UTRN: variants seen among roughly 807,000 people sequenced by gnomAD.
UTRN encodes the protein utrophin.
In UTRN, 283 loss-of-function variants were observed where a neutral mutation model predicts 463.9. That is an observed-to-expected ratio of 0.61 (90% CI 0.55 to 0.67). The LOEUF is 0.67. Among genes scored for constraint, UTRN ranks in the 30% least tolerant of loss-of-function variants. UTRN has a pLI of 0.00. For synonymous variants in UTRN, 1,442 were observed against 1,431.5 expected, an observed-to-expected ratio of 1.01 and a Z score of -0.17; for missense variants, 3,922 against 4,084.3, an observed-to-expected ratio of 0.96 and a Z score of 1.08.
chr6:144,820,915 A>G lies in UTRN; in HGVS notation c.9391A>G (p.Lys3131Glu), dbSNP rs757548930. 19 of 1,613,760 alleles carry G rather than the reference A, an allele frequency of 1.2e-5. No homozygotes were observed. Among genetic ancestry groups the G allele is most frequent in the Admixed American group, 1.7e-5 (1 of 59,992 alleles). ...TSGEDVRDFT[K>E]VLKNKFRSKK... ...TGGGGAAGATGTACGAGACTTCACA[A>G]AGGTACTTAAGAACAAGTTCAGGTC... Residue 3131 changes from lysine to glutamate, a missense_variant, in exon 66 of 75, where the codon AAG becomes GAG. Coordinates refer to ENST00000367545, the MANE Select transcript of UTRN (RefSeq NM_007124.3).
intron 58 of UTRN, among the ~76,000 whole-genome samples, chr6:144,768,953 G>GTTTTTTTTTTTTTTT (rs1224806677): frequency 1.9e-5 from 2 of 105,092 alleles, no homozygotes; most frequent in Non-Finnish European, 1.9e-5. Context: ...TTTTTGTTTT[G>GTTTTTTTTTTTTTTT]TTTTGTTTTT....
intron 65 of UTRN, among the ~76,000 whole-genome samples, chr6:144,819,911 C>CCTCCTCCTCCTCTCT (rs11397588): frequency 1.6e-3 from 195 of 118,466 alleles, no homozygotes; most frequent in Non-Finnish European, 2.4e-3. Context: ...TCCTCCTCCT[C>CCTCCTCCTCCTCTCT]CTCTCTCTCT....
At chr6:144,764,822 A>G (rs1319314352) in intron 58 of UTRN, among the ~76,000 whole-genome samples, 2 of 152,210 alleles carry the variant, frequency 1.3e-5, no homozygotes, top group African/African-American at 4.8e-5. Flanking sequence ...ATAAAGTAGT[A>G]ATTTTTTTTA....
At position 144,828,835 on chromosome 6, in the gene UTRN, C is replaced by G; in HGVS notation, c.9645C>G (p.Ser3215Arg). The G allele has an allele frequency of 6.2e-6, 10 of 1,613,420 alleles. No homozygotes were observed. Among genetic ancestry groups the G allele is most frequent in the Non-Finnish European group, 8.5e-6 (10 of 1,179,556 alleles). ...CTAATGGGTCTTTTCTCACTGATAGCAGCTCCACCACAGGAAGTGTGTAAG... is the reference window on the plus strand; with the variant it reads ...CTAATGGGTCTTTTCTCACTGATAGGAGCTCCACCACAGGAAGTGTGTAAG... ...ERTNGSFLTD[S>R]SSTTGSVEDE... is the part of the protein sequence containing the mutation. The change falls in exon 69 of 75, where the codon AGC (serine) becomes AGG (arginine). Residue 3215 changes from serine to arginine, a missense_variant. Ser to Arg is a moderately radical substitution (Grantham distance 110, BLOSUM62 -1). Around this residue, in one of 3 missense-constraint regions of UTRN, gnomAD observed 1,309 missense variants for 1,452.6 expected, o/e 0.90. Transcript: ENST00000367545.
chr6:144,661,940 A>G (rs1278045207), intron 51 of UTRN, among the ~76,000 whole-genome samples: 1 of 152,146 alleles, frequency 6.6e-6, no homozygotes, highest in East Asian at 1.9e-4. Context: ...TTGAATTGAC[A>G]GTAGAAGATA....
intron 62 of UTRN, 106 bp downstream of exon 62, chr6:144,789,385 T>G: frequency 2.0e-6 from 2 of 984,730 alleles, no homozygotes; most frequent in South Asian, 1.8e-5. Context: ...AATAGTTCTC[T>G]CTCTTTTTTT....
intron 2 of UTRN, among the ~76,000 whole-genome samples, chr6:144,332,594 A>C (rs1776413595): frequency 1.3e-5 from 2 of 152,144 alleles, no homozygotes; most frequent in Admixed American, 1.3e-4. Context: ...GGATTCTTTA[A>C]ATTGAATATA....
chr6:144,308,477 G>C (rs116959967), intron 2 of UTRN, among the ~76,000 whole-genome samples: 25 of 151,808 alleles, frequency 1.6e-4, no homozygotes, highest in African/African-American at 4.6e-4. Context: ...TTTTTTTGTA[G>C]ATAAGAGGTT....
intron 54 of UTRN, among the ~76,000 whole-genome samples, chr6:144,732,521 AC>A (rs1293482447): frequency 1.3e-5 from 2 of 151,854 alleles, no homozygotes; most frequent in Admixed American, 6.6e-5. Flanking sequence ...ACTTTAGTCT[AC>A]TACTGATAAG....
intron 60 of UTRN, among the ~76,000 whole-genome samples, chr6:144,779,308 T>C (rs1423909249): frequency 6.6e-6 from 1 of 152,174 alleles, no homozygotes; most frequent in Non-Finnish European, 1.5e-5. Flanking sequence ...CACTTTCCTT[T>C]GTCAGGCACT....
At chr6:144,539,247 C>T in intron 44 of UTRN, 47 bp from the exon 45 acceptor site, 2 of 1,503,224 alleles carry the variant, frequency 1.3e-6, no homozygotes, top group Non-Finnish European at 1.8e-6. Flanking sequence ...TTGAATTTTC[C>T]CTTATCTGAC....
At chr6:144,714,739 G>A (rs1457796827) in intron 53 of UTRN, among the ~76,000 whole-genome samples, 2 of 152,188 alleles carry the variant, frequency 1.3e-5, no homozygotes, top group Admixed American at 1.3e-4. Context: ...AGGTAAGGAA[G>A]CCATCCTGAG....
In UTRN at chr6:144,645,195, G is replaced by GGT. The variant is rs1390029099; in HGVS notation, c.7480-33210_7480-33209dup. Among the ~76,000 whole-genome samples, 3 of 152,004 alleles carry GGT rather than the reference G, an allele frequency of 2.0e-5. No homozygotes were observed. In the South Asian group the frequency reaches 6.2e-4, roughly 32 times the overall value. ...GCATAGAATTTTGTAAAGTCCTGGA[G>GGT]GTATATCCATGCCAGGGATTAAATT... On this transcript the variant is annotated intron_variant, in intron 51 of 74. Transcript: ENST00000367545.
In UTRN at chr6:144,516,334, A is replaced by C. The variant is rs376979651; in HGVS notation, c.5350A>C (p.Asn1784His). 2 of 1,613,688 alleles carry C rather than the reference A, an allele frequency of 1.2e-6. No individual in the cohort carries two copies. Among genetic ancestry groups the C allele is most frequent in the African/African-American group, 2.7e-5 (2 of 74,902 alleles). ...GGAAAAATTAGAAAATGACATAGAA[A>C]ATATGTTAAAATTTGTGGAAAAACA... ...DLEKLENDIE[N>H]MLKFVEKHLE... The change falls in exon 38 of 75, where the codon AAT (asparagine) becomes CAT (histidine). Residue 1784 changes from asparagine to histidine, a missense_variant. Around this residue, in one of 3 missense-constraint regions of UTRN, gnomAD observed 2,349 missense variants for 2,303.8 expected, o/e 1.02. Transcript: ENST00000367545.
At chr6:144,842,628 A>AT (rs1205037967) in intron 73 of UTRN, among the ~76,000 whole-genome samples, 1 of 152,106 alleles carries the variant, frequency 6.6e-6, no homozygotes, top group East Asian at 1.9e-4. Context: ...TAAAACATAT[A>AT]TTTCTTTGTG....
intron 43 of UTRN, among the ~76,000 whole-genome samples, chr6:144,534,703 A>C (rs890521257): frequency 3.3e-5 from 5 of 152,236 alleles, no homozygotes; most frequent in African/African-American, 1.2e-4. Flanking sequence ...AGATACAAGT[A>C]TGATTAGGAA....
intron 57 of UTRN, among the ~76,000 whole-genome samples, chr6:144,756,358 G>T (rs574827738): frequency 1.3e-5 from 2 of 152,078 alleles, no homozygotes; most frequent in Non-Finnish European, 2.9e-5. Flanking sequence ...ATATTCTTTT[G>T]GAAGTGAAAT....
intron 50 of UTRN, among the ~76,000 whole-genome samples, chr6:144,572,336 A>G: frequency 6.6e-6 from 1 of 151,958 alleles, no homozygotes; most frequent in East Asian, 1.9e-4. Flanking sequence ...GAAAAATGGT[A>G]TGTAGGAGTT....
At chr6:144,728,835 A>G (rs1788200734) in intron 53 of UTRN, among the ~76,000 whole-genome samples, 1 of 152,202 alleles carries the variant, frequency 6.6e-6, no homozygotes, top group African/African-American at 2.4e-5. Flanking sequence ...TTTAAAAATC[A>G]AAATAATATT....
Sources: gnomAD v4.1 joint callset for allele counts (sites outside exome capture counted in the v4.1 genomes callset) on GRCh38, gnomAD v4.1.1 for gene constraint, gnomAD v4.1.1 regional missense constraint, MANE v1.5 for transcripts, NCBI Gene and HGNC (gene_info 2026-07-23, HGNC 2026-07-21) for gene names.